Variants in IGSF11 observed in about 807,000 individuals in gnomAD.
IGSF11 encodes the protein immunoglobulin superfamily member 11.
IGSF11 carries 22 observed loss-of-function variants against 41.0 expected under a neutral mutation model. The ratio of observed to expected loss-of-function variants is 0.54; its 90% CI spans 0.38 to 0.77. The LOEUF (loss-of-function observed/expected upper bound fraction) is 0.77, where lower values mean the gene tolerates loss of function less well. Among genes scored for constraint, IGSF11 ranks in the 30% least tolerant of loss-of-function variants. The pLI is 0.00. For missense variants in IGSF11, 444 were observed against 530.8 expected (o/e 0.84, Z 1.61); for synonymous variants, 219 against 201.3 (o/e 1.09, Z -0.74).
At chr3:119,139,237 G>A (rs1196346942) in intron 1 of IGSF11, among the ~76,000 whole-genome samples, 3 of 151,902 alleles carry the variant, frequency 2.0e-5, no homozygotes, top group South Asian at 2.1e-4. Context: ...ACTATCAAAC[G>A]ATCCTGCCAT....
At chr3:119,094,427 T>C (rs1264571209) in intron 1 of IGSF11, among the ~76,000 whole-genome samples, 1 of 151,486 alleles carries the variant, frequency 6.6e-6, no homozygotes, top group Non-Finnish European at 1.5e-5. Flanking sequence ...ATTTCTTTGG[T>C]AGGAAAGATA....
chr3:119,072,878 C>A (rs1206688446), intron 1 of IGSF11, among the ~76,000 whole-genome samples: 1 of 152,162 alleles, frequency 6.6e-6, no homozygotes, highest in East Asian at 1.9e-4. Context: ...CTGGCCCCAC[C>A]CACATCCTGC....
intron 1 of IGSF11, among the ~76,000 whole-genome samples, chr3:118,986,928 C>G (rs1352661971): frequency 1.3e-5 from 2 of 152,216 alleles, no homozygotes; most frequent in Non-Finnish European, 2.9e-5. Flanking sequence ...TGAGGTCACT[C>G]TAAGACCATG....
chr3:118,973,709 T>G (rs141397303), intron 1 of IGSF11, among the ~76,000 whole-genome samples: 1 of 152,310 alleles, frequency 6.6e-6, no homozygotes, highest in East Asian at 1.9e-4. Context: ...GGTACTGAAT[T>G]GGACCTTAAA....
intron 1 of IGSF11, among the ~76,000 whole-genome samples, chr3:119,118,090 A>G (rs1260293363): frequency 6.6e-6 from 1 of 152,036 alleles, no homozygotes; most frequent in Non-Finnish European, 1.5e-5. Context: ...CACAGTGCAA[A>G]GTGTTGGTGG....
intron 1 of IGSF11, among the ~76,000 whole-genome samples, chr3:119,063,724 G>A (rs149585342): frequency 1.8e-3 from 274 of 152,314 alleles, no homozygotes; most frequent in Non-Finnish European, 2.8e-3. Context: ...TCACACAAAG[G>A]TGTTATATTG....
chr3:118,932,327 C>A lies in IGSF11; in HGVS notation c.53-2052G>T, dbSNP rs560099774. Among the ~76,000 whole-genome samples the A allele has an allele frequency of 4.9e-4, 74 of 152,268 alleles. No homozygotes were observed. The Middle Eastern group carries it at 0.031, about 63-fold the overall frequency. On this transcript the variant is annotated intron_variant, in intron 1 of 6. Coordinates refer to ENST00000393775, the MANE Select transcript of IGSF11 (RefSeq NM_001015887.3). ...CTGTTTTACTTTGAAGTGATAGTAT[C>A]TCAATTCTCTCAAAAAAGTAACAGA...
At chr3:118,992,403 A>C (rs1935876570) in intron 1 of IGSF11, among the ~76,000 whole-genome samples, 1 of 152,242 alleles carries the variant, frequency 6.6e-6, no homozygotes, top group African/African-American at 2.4e-5. Flanking sequence ...GCACATAGTT[A>C]ATTTAGATGG....
intron 1 of IGSF11, among the ~76,000 whole-genome samples, chr3:118,963,744 A>T (rs1015108705): frequency 5.9e-5 from 9 of 152,334 alleles, no homozygotes; most frequent in African/African-American, 1.7e-4. Flanking sequence ...ATTTATCTAT[A>T]TATAGAAATA....
chr3:118,974,311 G>A (rs1933812490), intron 1 of IGSF11, among the ~76,000 whole-genome samples: 1 of 152,100 alleles, frequency 6.6e-6, no homozygotes, highest in Non-Finnish European at 1.5e-5. Flanking sequence ...GTATTTGGTG[G>A]ACACAAGTAA....
intron 1 of IGSF11, among the ~76,000 whole-genome samples, chr3:119,111,464 G>A (rs1335435770): frequency 6.6e-6 from 1 of 152,082 alleles, no homozygotes; most frequent in Non-Finnish European, 1.5e-5. Context: ...GCACTTCTCT[G>A]TATTGGTTAT....
intron 1 of IGSF11, among the ~76,000 whole-genome samples, chr3:119,103,327 T>C (rs1044529778): frequency 6.6e-6 from 1 of 152,130 alleles, no homozygotes; most frequent in African/African-American, 2.4e-5. Flanking sequence ...TGACAACTTT[T>C]TTTCTGATGA....
chr3:119,015,342 C>T (rs998610726), intron 1 of IGSF11, among the ~76,000 whole-genome samples: 6 of 152,250 alleles, frequency 3.9e-5, no homozygotes, highest in East Asian at 1.9e-4. Flanking sequence ...CCTTATTTAA[C>T]GCAATTAACT....
intron 1 of IGSF11, among the ~76,000 whole-genome samples, chr3:119,021,025 T>C (rs1053356127): frequency 2.0e-5 from 3 of 152,182 alleles, no homozygotes; most frequent in African/African-American, 7.2e-5. Flanking sequence ...TGAAATAACA[T>C]ATTTTTAAAA....
At chr3:118,919,277 A>G (rs200484143) in intron 4 of IGSF11, among the ~76,000 whole-genome samples, 1 of 141,326 alleles carries the variant, frequency 7.1e-6, no homozygotes, top group Non-Finnish European at 1.5e-5. Flanking sequence ...ATTAAACTAA[A>G]GAGTTTCTGC....
At chr3:118,980,963 T>C (rs575775845) in intron 1 of IGSF11, among the ~76,000 whole-genome samples, 1 of 152,332 alleles carries the variant, frequency 6.6e-6, no homozygotes, top group South Asian at 2.1e-4. Context: ...TGAAAACTCA[T>C]TTCCCAGGAA....
At position 119,057,690 on chromosome 3, in the gene IGSF11, G is replaced by T. The variant is rs191543223; in HGVS notation, c.49+47454C>A. Among the ~76,000 whole-genome samples the T allele has an allele frequency of 9.2e-5, 14 of 152,290 alleles. No homozygotes were observed. The East Asian group carries it at 2.5e-3, about 27-fold the overall frequency. On this transcript the variant is annotated intron_variant, in intron 1 of 6. Coordinates refer to the IGSF11 transcript ENST00000354673. ...GTCAATCCTAAGCCAAAAGAACAAA[G>T]CTGCAGGCATCACGCTACCTGACTT...
chr3:119,001,488 T>C (rs1489487530), intron 1 of IGSF11, among the ~76,000 whole-genome samples: 1 of 147,952 alleles, frequency 6.8e-6, no homozygotes, highest in Non-Finnish European at 1.5e-5. Context: ...TTTTTTATTA[T>C]ACTTTAAGTT....
upstream of IGSF11, among the ~76,000 whole-genome samples, chr3:119,106,502 C>A (rs945060725): frequency 6.6e-6 from 1 of 152,178 alleles, no homozygotes; most frequent in Non-Finnish European, 1.5e-5. Context: ...TAATGACCTA[C>A]AGTTCCATCC....
Sources: allele counts gnomAD v4.1 joint callset (sites outside exome capture counted in the v4.1 genomes callset), GRCh38; gene constraint gnomAD v4.1.1; transcripts MANE v1.5; gene names NCBI Gene and HGNC (gene_info 2026-07-23, HGNC 2026-07-21).